The following PHTF2 variants were observed in gnomAD, a reference collection of about 807,000 sequenced individuals.
PHTF2 encodes the protein protein PHTF2.
In PHTF2, 60 loss-of-function variants were observed where a neutral mutation model predicts 101.2. That is an observed-to-expected ratio of 0.59 (90% CI 0.48 to 0.73). The LOEUF (loss-of-function observed/expected upper bound fraction) is 0.73. Ranked by LOEUF, PHTF2 falls within the 30% of genes least tolerant of loss-of-function variation. The pLI is 0.00. For synonymous variants in PHTF2, 311 were observed against 307.3 expected, an observed-to-expected ratio of 1.01 and a Z score of -0.13; for missense variants, 747 against 908.7, an observed-to-expected ratio of 0.82 and a Z score of 2.29.
At chr7:77,801,204 A>G (rs1168734996) in intron 1 of PHTF2, among the ~76,000 whole-genome samples, 1 of 152,226 alleles carries the variant, frequency 6.6e-6, no homozygotes, top group Non-Finnish European at 1.5e-5. Context: ...CAGATTGAGC[A>G]TCTGTAAACT....
intron 1 of PHTF2, among the ~76,000 whole-genome samples, chr7:77,811,688 A>G (rs1793453656): frequency 6.6e-6 from 1 of 152,202 alleles, no homozygotes; most frequent in African/African-American, 2.4e-5. Context: ...TTCTGATCCA[A>G]CAAGATATTC....
chr7:77,948,962 C>G (rs1163954686), intron 16 of PHTF2, among the ~76,000 whole-genome samples: 1 of 151,990 alleles, frequency 6.6e-6, no homozygotes, highest in African/African-American at 2.4e-5. Context: ...CATGTGCGTA[C>G]AAGGAAACAC....
In PHTF2 at chr7:77,954,612, GTATATATATATA is replaced by G. The variant is rs66540211; in HGVS notation, c.2338-223_2338-212del. ...GATAATCATATTAAACAAGTACTGT[GTATATATATATA>G]TATATATATATATATATATATAGCC... On this transcript the variant is annotated intron_variant, in intron 19 of 19. Coordinates refer to ENST00000416283, the Ensembl canonical transcript of PHTF2. Among the ~76,000 whole-genome samples, 282 of 90,202 alleles carry G rather than the reference GTATATATATATA, an allele frequency of 3.1e-3. 2 individuals are homozygous for G. Among genetic ancestry groups the G allele is most frequent in the African/African-American group, 9.4e-3 (198 of 21,068 alleles). 59.2% of individuals were successfully genotyped at this position (90,202 alleles called of 152,430 possible). A position where few individuals can be genotyped will look rare whatever the true frequency, so the allele number is the denominator to read the frequency against.
At chr7:77,804,924 A>G (rs1792853298) in intron 1 of PHTF2, among the ~76,000 whole-genome samples, 1 of 152,226 alleles carries the variant, frequency 6.6e-6, no homozygotes, top group Admixed American at 6.5e-5. Flanking sequence ...TGAAATACCA[A>G]CATACTGATA....
intron 3 of PHTF2, among the ~76,000 whole-genome samples, chr7:77,859,588 G>C (rs1420306389): frequency 6.8e-6 from 1 of 147,604 alleles, no homozygotes. Context: ...TTTTGAAGCA[G>C]GGTCTCTCTG....
In PHTF2 at chr7:77,901,206, C is replaced by T. The variant is rs532810819; in HGVS notation, c.286+426C>T. Among the ~76,000 whole-genome samples, 4 of 152,362 alleles carry T rather than the reference C, an allele frequency of 2.6e-5. No individual in the cohort carries two copies. The South Asian group carries it at 8.3e-4, about 32-fold the overall frequency. On this transcript the variant is annotated intron_variant, in intron 6 of 19. Coordinates refer to ENST00000416283, the Ensembl canonical transcript of PHTF2. ...GCCCTGCCTCCAGCATTGGAGATTA[C>T]AATTCAATATCAGATTTGAATGGGG...
At chr7:77,928,159 A>C (rs1804232230) in intron 11 of PHTF2, among the ~76,000 whole-genome samples, 1 of 151,930 alleles carries the variant, frequency 6.6e-6, no homozygotes, top group South Asian at 2.1e-4. Flanking sequence ...TTAAAGGTAC[A>C]TGACAAATCT....
At chr7:77,905,259 T>C (rs1451589678) in intron 7 of PHTF2, among the ~76,000 whole-genome samples, 1 of 152,232 alleles carries the variant, frequency 6.6e-6, no homozygotes, top group African/African-American at 2.4e-5. Flanking sequence ...AGGGTTTTGC[T>C]TTGTTGCTCA....
At position 77,913,156 on chromosome 7, in the gene PHTF2, G is replaced by A. The variant is rs184663105; in HGVS notation, c.776+2747G>A. Among the ~76,000 whole-genome samples, 760 of 152,176 alleles carry A rather than the reference G, an allele frequency of 5.0e-3. 13 individuals carry two copies. The highest frequency in any genetic ancestry group is 0.017 in the African/African-American group (714 of 41,514). ...TAATCCCAGCACTTTATGAGGCCAA[G>A]GCGGGTGGATCACCTGAGGTCAGGA... On this transcript the variant is annotated intron_variant, in intron 9 of 19. Coordinates refer to ENST00000416283, the Ensembl canonical transcript of PHTF2.
chr7:77,878,246 A>C (rs1333372355), intron 3 of PHTF2, among the ~76,000 whole-genome samples: 1 of 151,980 alleles, frequency 6.6e-6, no homozygotes, highest in Non-Finnish European at 1.5e-5. Context: ...GCTAGGGAAT[A>C]GGAAATGCTG....
At chr7:77,870,770 A>G (rs958735227) in intron 3 of PHTF2, among the ~76,000 whole-genome samples, 5 of 152,202 alleles carry the variant, frequency 3.3e-5, no homozygotes, top group Admixed American at 2.6e-4. Flanking sequence ...TAATCTTCAA[A>G]TAAAGACAAT....
chr7:77,811,793 T>C (rs555208303), intron 1 of PHTF2, among the ~76,000 whole-genome samples: 2 of 152,282 alleles, frequency 1.3e-5, no homozygotes, highest in East Asian at 3.9e-4. Context: ...TATTTAGAGA[T>C]CTAGGTGTTA....
intron 12 of PHTF2, among the ~76,000 whole-genome samples, chr7:77,930,970 A>C (rs1337316443): frequency 6.6e-6 from 1 of 152,222 alleles, no homozygotes; most frequent in African/African-American, 2.4e-5. Flanking sequence ...TAGACATATA[A>C]ACATATATAC....
intron 1 of PHTF2, among the ~76,000 whole-genome samples, chr7:77,835,274 C>CAAA (rs11412821): frequency 1.2e-5 from 1 of 82,258 alleles, no homozygotes; most frequent in African/African-American, 3.8e-5. Flanking sequence ...AACTCCGTCT[C>CAAA]AAAAAAAAAA....
At chr7:77,906,934 T>TAAAAAAAAAAAAA in intron 7 of PHTF2, among the ~76,000 whole-genome samples, 1 of 118,926 alleles carries the variant, frequency 8.4e-6, no homozygotes, top group Non-Finnish European at 1.7e-5. Flanking sequence ...TAATGGTAGC[T>TAAAAAAAAAAAAA]AAAAAAAAAA....
At chr7:77,820,753 C>T (rs188826218) in intron 1 of PHTF2, among the ~76,000 whole-genome samples, 5 of 152,200 alleles carry the variant, frequency 3.3e-5, no homozygotes, top group Admixed American at 1.3e-4. Context: ...GAATTTAATC[C>T]GTTTACATTC....
chr7:77,840,359 T>G, intron 2 of PHTF2, 59 bp downstream of exon 2: 1 of 1,043,500 alleles, frequency 9.6e-7, no homozygotes, highest in Non-Finnish European at 1.5e-6. Flanking sequence ...AAATACATGT[T>G]TATTTCATGC....
intron 7 of PHTF2, among the ~76,000 whole-genome samples, chr7:77,907,424 A>AAAT (rs1801965746): frequency 6.6e-6 from 1 of 152,198 alleles, no homozygotes; most frequent in African/African-American, 2.4e-5. Context: ...AATGCAAACT[A>AAAT]GCTTTTACAA....
chr7:77,909,637 G>GGATT (rs1802190708), intron 8 of PHTF2: 1 of 152,540 alleles, frequency 6.6e-6, no homozygotes, highest in African/African-American at 2.4e-5. Context: ...CAAAGTGCTG[G>GGATT]GATTACAGGC....
Sources: allele counts gnomAD v4.1 joint callset (sites outside exome capture counted in the v4.1 genomes callset), GRCh38; gene constraint gnomAD v4.1.1; transcripts MANE v1.5; gene names NCBI Gene and HGNC (gene_info 2026-07-23, HGNC 2026-07-21).